CHODL: variants seen among roughly 807,000 people sequenced by gnomAD.
CHODL encodes the protein chondrolectin.
A neutral mutation model predicts 34.5 loss-of-function variants in CHODL; 29 were observed. The ratio of observed to expected loss-of-function variants is 0.84; its 90% CI spans 0.63 to 1.15. The LOEUF (loss-of-function observed/expected upper bound fraction) is 1.15, where lower values mean the gene tolerates loss of function less well. Ranked by LOEUF, CHODL falls within the 50% of genes most tolerant of loss-of-function variation. The pLI is 0.00. For synonymous variants in CHODL, 125 were observed against 116.1 expected, an observed-to-expected ratio of 1.08 and a Z score of -0.49; for missense variants, 332 against 332.5, an observed-to-expected ratio of 1.00 and a Z score of 0.01.
chr21:18,253,349 C>T (rs1050040426), intron 1 of CHODL, among the ~76,000 whole-genome samples: 1 of 151,570 alleles, frequency 6.6e-6, no homozygotes, highest in Admixed American at 6.6e-5. Flanking sequence ...TGACATCTTG[C>T]AAAACAATCT....
chr21:18,264,690 G>A (rs376662649), intron 5 of CHODL, among the ~76,000 whole-genome samples: 18 of 151,720 alleles, frequency 1.2e-4, no homozygotes, highest in East Asian at 5.8e-4. Context: ...AAAAGTTATC[G>A]TGTTGTGGAA....
intron 1 of CHODL, among the ~76,000 whole-genome samples, chr21:17,921,001 C>T (rs2063179539): frequency 6.7e-6 from 1 of 149,736 alleles, no homozygotes. Flanking sequence ...AGTTAGGGGC[C>T]ATATACCTAA....
At chr21:17,941,888 GCACCTTTA>G (rs973027535) in intron 1 of CHODL, among the ~76,000 whole-genome samples, 123 of 152,248 alleles carry the variant, frequency 8.1e-4, no homozygotes, top group African/African-American at 2.7e-3. Flanking sequence ...ACTTCTAGCT[GCACCTTTA>G]CATTGGTGGA....
At chr21:18,188,643 G>T (rs2073473617) in intron 2 of CHODL, among the ~76,000 whole-genome samples, 1 of 152,144 alleles carries the variant, frequency 6.6e-6, no homozygotes, top group Non-Finnish European at 1.5e-5. Context: ...TTGACGTTTT[G>T]GTCTTGGATC....
chr21:18,110,830 A>C (rs1301667670), intron 2 of CHODL, among the ~76,000 whole-genome samples: 1 of 152,102 alleles, frequency 6.6e-6, no homozygotes, highest in African/African-American at 2.4e-5. Flanking sequence ...TGTCCAATCC[A>C]CCAAGGATTT....
At chr21:18,067,560 A>G (rs2064746853) in intron 2 of CHODL, among the ~76,000 whole-genome samples, 1 of 152,214 alleles carries the variant, frequency 6.6e-6, no homozygotes, top group Non-Finnish European at 1.5e-5. Context: ...ATCCTGAAAC[A>G]GCCCTTTGAA....
intron 1 of CHODL, among the ~76,000 whole-genome samples, chr21:17,994,477 G>A (rs2063828744): frequency 6.6e-6 from 1 of 152,224 alleles, no homozygotes; most frequent in African/African-American, 2.4e-5. Flanking sequence ...ACTGGTGGCA[G>A]TAGAGGCAGG....
At chr21:18,218,992 A>C (rs973528198) in intron 2 of CHODL, among the ~76,000 whole-genome samples, 1 of 152,084 alleles carries the variant, frequency 6.6e-6, no homozygotes, top group African/African-American at 2.4e-5. Flanking sequence ...AGAAGTTCCA[A>C]ACTTTCCCAC....
chr21:18,224,184 A>C (rs1257964595), intron 2 of CHODL, among the ~76,000 whole-genome samples: 1 of 152,108 alleles, frequency 6.6e-6, no homozygotes, highest in South Asian at 2.1e-4. Context: ...GGTCTCTCAT[A>C]TATTCCACCA....
intron 2 of CHODL, among the ~76,000 whole-genome samples, chr21:18,227,451 T>C (rs2073940913): frequency 6.6e-6 from 1 of 152,182 alleles, no homozygotes; most frequent in African/African-American, 2.4e-5. Flanking sequence ...CTTTACAACA[T>C]ATATGTTGTG....
chr21:18,059,330 CTG>C (rs2064626273), intron 2 of CHODL, among the ~76,000 whole-genome samples: 1 of 152,108 alleles, frequency 6.6e-6, no homozygotes, highest in African/African-American at 2.4e-5. Context: ...AAAATAATGT[CTG>C]TTTTTTTAAA....
chr21:18,088,119 T>C (rs1040751199), intron 2 of CHODL, among the ~76,000 whole-genome samples: 13 of 152,210 alleles, frequency 8.5e-5, no homozygotes, highest in African/African-American at 3.1e-4. Context: ...CCTCCAACAG[T>C]GATGATTACA....
At chr21:17,960,115 AC>A (rs1165843388) in intron 1 of CHODL, among the ~76,000 whole-genome samples, 1 of 152,144 alleles carries the variant, frequency 6.6e-6, no homozygotes, top group Non-Finnish European at 1.5e-5. Flanking sequence ...TCAGGGATAC[AC>A]TAGGCTTCTC....
intron 2 of CHODL, among the ~76,000 whole-genome samples, chr21:18,087,488 C>A (rs1270033875): frequency 1.3e-5 from 2 of 152,136 alleles, no homozygotes; most frequent in Non-Finnish European, 2.9e-5. Context: ...GAATGTAGTC[C>A]ATTTGCATCT....
intron 2 of CHODL, among the ~76,000 whole-genome samples, chr21:18,102,614 G>T (rs1475077215): frequency 6.6e-6 from 1 of 152,178 alleles, no homozygotes; most frequent in Non-Finnish European, 1.5e-5. Flanking sequence ...AATCACTGGT[G>T]AGTACAGTGT....
rs8129796 is a variant in CHODL, at chr21:18,245,944, G to A, written c.79+642G>A. 3.0e-3 allele frequency: 4,558 copies of A among 1,535,310 alleles called. 107 individuals carry two copies. In the African/African-American group the frequency reaches 0.05, roughly 17 times the overall value. On this transcript the variant is annotated intron_variant, in intron 1 of 5. Transcript: ENST00000299295. Reference sequence around the variant, plus strand: ...GCTGGAGTTGGGCCGAGGTATACTTGGTAATGACTGCAGGTTCGGCACACA... The same window carrying A: ...GCTGGAGTTGGGCCGAGGTATACTTAGTAATGACTGCAGGTTCGGCACACA...
At chr21:18,026,563 A>T (rs2146432397) in intron 1 of CHODL, among the ~76,000 whole-genome samples, 1 of 152,326 alleles carries the variant, frequency 6.6e-6, no homozygotes, top group Non-Finnish European at 1.5e-5. Context: ...GGCATATGGA[A>T]CAGATGCATG....
At chr21:18,191,653 T>A (rs1358077384) in intron 2 of CHODL, among the ~76,000 whole-genome samples, 2 of 152,194 alleles carry the variant, frequency 1.3e-5, no homozygotes, top group Admixed American at 6.5e-5. Context: ...CGTTGTTAGA[T>A]TTTTGTGATT....
chr21:18,130,944 A>G lies in CHODL; in HGVS notation c.-45+102973A>G, dbSNP rs528825871. ...CAGCTTGGGCAACCATAAATATACTATAGACTGGGTGGCTTAAACAACAGA... is the reference window on the plus strand; with the variant it reads ...CAGCTTGGGCAACCATAAATATACTGTAGACTGGGTGGCTTAAACAACAGA... On this transcript the variant is annotated intron_variant, in intron 2 of 6. Coordinates refer to the CHODL transcript ENST00000400127. Among the ~76,000 whole-genome samples, 52 of 152,258 alleles carry G rather than the reference A, an allele frequency of 3.4e-4. No homozygotes were observed. The South Asian group carries it at 0.011, about 31-fold the overall frequency.
Sources: gnomAD v4.1 joint callset for allele counts (sites outside exome capture counted in the v4.1 genomes callset) on GRCh38, gnomAD v4.1.1 for gene constraint, MANE v1.5 for transcripts, NCBI Gene and HGNC (gene_info 2026-07-23, HGNC 2026-07-21) for gene names.